The following GALNT18 variants were observed in gnomAD, a reference collection of about 807,000 sequenced individuals.
The protein encoded by GALNT18 is polypeptide N-acetylgalactosaminyltransferase 18, also known as GalNAc-transferase 18.
GALNT18 carries 44 observed loss-of-function variants against 69.5 expected under a neutral mutation model. The ratio of observed to expected loss-of-function variants is 0.63; its 90% CI spans 0.50 to 0.81. The LOEUF is 0.81. GALNT18 is among the 40% of genes least tolerant of loss of function. GALNT18 has a pLI of 0.00. For synonymous variants in GALNT18, 364 were observed against 318.2 expected (o/e 1.14, Z -1.53); for missense variants, 715 against 810.0 (o/e 0.88, Z 1.42).
At chr11:11,292,927 T>C (rs546593721) in intron 10 of GALNT18, 102 bp downstream of exon 10, 17 of 1,109,122 alleles carry the variant, frequency 1.5e-5, no homozygotes, top group East Asian at 5.8e-5. Flanking sequence ...AGTCTGTCTC[T>C]CCTTCCCCTT....
chr11:11,451,806 G>C (rs1422368162), intron 1 of GALNT18, among the ~76,000 whole-genome samples: 2 of 152,206 alleles, frequency 1.3e-5, no homozygotes, highest in Non-Finnish European at 2.9e-5. Context: ...AACCAAAAGT[G>C]AAAAGGTTAA....
At chr11:11,566,380 C>A (rs1858653287) in intron 1 of GALNT18, among the ~76,000 whole-genome samples, 1 of 152,152 alleles carries the variant, frequency 6.6e-6, no homozygotes, top group Admixed American at 6.5e-5. Flanking sequence ...GTAGCCAAGC[C>A]TCACTATGAA....
intron 1 of GALNT18, among the ~76,000 whole-genome samples, chr11:11,560,250 GA>G (rs1858474067): frequency 6.6e-6 from 1 of 152,150 alleles, no homozygotes; most frequent in African/African-American, 2.4e-5. Flanking sequence ...AATGAGATAT[GA>G]TGGGATGGGA....
rs1480614064 is a variant in GALNT18, at chr11:11,463,223, C to G, written c.236-14287G>C. Among the ~76,000 whole-genome samples, 1 of 151,006 alleles carries G rather than the reference C, an allele frequency of 6.6e-6. No homozygotes were observed. Among genetic ancestry groups the G allele is most frequent in the African/African-American group, 2.4e-5 (1 of 40,998 alleles). ...ACAGACAGACAGACACACACACACA[C>G]ACAGAGAGAGAGAGAGAGAGTTCCA... On this transcript the variant is annotated intron_variant, in intron 1 of 10. Coordinates refer to ENST00000227756, the MANE Select transcript of GALNT18 (RefSeq NM_198516.3). This position sits in a 1 kb window ranked among gnomAD's most constrained non-coding sequence, Gnocchi z 4.2.
intron 1 of GALNT18, among the ~76,000 whole-genome samples, chr11:11,456,308 G>C (rs1564958686): frequency 6.6e-6 from 1 of 152,190 alleles, no homozygotes; most frequent in Non-Finnish European, 1.5e-5. Context: ...TGAGCTCACA[G>C]TCCTGACTGC....
chr11:11,524,612 G>A (rs1857476836), intron 1 of GALNT18, among the ~76,000 whole-genome samples: 2 of 152,218 alleles, frequency 1.3e-5, no homozygotes, highest in Admixed American at 1.3e-4. Context: ...AGAATGGGAA[G>A]ACACGTGGAA....
At chr11:11,373,034 T>C (rs1258525105) in intron 5 of GALNT18, among the ~76,000 whole-genome samples, 1 of 152,160 alleles carries the variant, frequency 6.6e-6, no homozygotes, top group African/African-American at 2.4e-5. Flanking sequence ...CTGTATGTCA[T>C]CCTTGGTCTA....
chr11:11,519,942 C>T (rs1013257990), intron 1 of GALNT18, among the ~76,000 whole-genome samples: 5 of 152,172 alleles, frequency 3.3e-5, no homozygotes, highest in African/African-American at 1.2e-4. Context: ...GTTTTTATGT[C>T]CAAGGAGCGA....
chr11:11,514,948 G>A (rs551054318), intron 1 of GALNT18, among the ~76,000 whole-genome samples: 1 of 152,326 alleles, frequency 6.6e-6, no homozygotes, highest in African/African-American at 2.4e-5. Flanking sequence ...TTTAGCCATG[G>A]GAAAAGACAG....
rs563120015 is a variant in GALNT18 at position 11,605,607 on chromosome 11, G to C, written c.235+15752C>G. On this transcript the variant is annotated intron_variant, in intron 1 of 10. Coordinates refer to ENST00000227756, the MANE Select transcript of GALNT18 (RefSeq NM_198516.3). The surrounding 1 kb of genome is among the most constrained non-coding windows in gnomAD (Gnocchi z 4.7). ...GCACTCTGTTTCCTTTCTTGAAAAT[G>C]AAGCTATGCTTTCTCCTTTCTAGTG... Among the ~76,000 whole-genome samples, 1 of 152,180 alleles carries C rather than the reference G, an allele frequency of 6.6e-6. No homozygotes were observed. Among genetic ancestry groups the C allele is most frequent in the Non-Finnish European group, 1.5e-5 (1 of 68,034 alleles).
At position 11,497,576 on chromosome 11, in the gene GALNT18, T is replaced by C. The variant is rs533031088; in HGVS notation, c.236-48640A>G. Reference sequence around the variant, plus strand: ...TCGTATGAATGAAATGAGATTATTATCTATAAAGAATTTTGTGGAGGCATG... The same window carrying C: ...TCGTATGAATGAAATGAGATTATTACCTATAAAGAATTTTGTGGAGGCATG... On this transcript the variant is annotated intron_variant, in intron 1 of 10. Transcript: ENST00000227756. The surrounding 1 kb of genome is among the most constrained non-coding windows in gnomAD (Gnocchi z 4.2). Among the ~76,000 whole-genome samples the C allele has an allele frequency of 8.5e-5, 13 of 152,222 alleles. No homozygotes were observed. Among genetic ancestry groups the C allele is most frequent in the Admixed American group, 2.6e-4 (4 of 15,280 alleles).
chr11:11,288,342 C>G (rs1328207515), intron 10 of GALNT18, among the ~76,000 whole-genome samples: 1 of 152,138 alleles, frequency 6.6e-6, no homozygotes, highest in African/African-American at 2.4e-5. Flanking sequence ...AAGTGAGCCT[C>G]TACTTGGGAT....
chr11:11,394,947 C>T (rs572215400), intron 3 of GALNT18, among the ~76,000 whole-genome samples: 1 of 152,256 alleles, frequency 6.6e-6, no homozygotes, highest in East Asian at 1.9e-4. Flanking sequence ...CTGGCCCAGC[C>T]AGGGAGCAGG....
At chr11:11,521,766 G>A (rs529487028) in intron 1 of GALNT18, among the ~76,000 whole-genome samples, 1 of 152,218 alleles carries the variant, frequency 6.6e-6, no homozygotes, top group Admixed American at 6.5e-5. Flanking sequence ...GGTGACTCAG[G>A]CGAGCCCACT....
chr11:11,441,511 T>C (rs1358322100), intron 2 of GALNT18, among the ~76,000 whole-genome samples: 1 of 152,114 alleles, frequency 6.6e-6, no homozygotes, highest in Non-Finnish European at 1.5e-5. Context: ...CCAGTAAAAA[T>C]ACCGGCTCGG....
chr11:11,569,486 T>TTCC (rs1858732757), intron 1 of GALNT18, among the ~76,000 whole-genome samples: 1 of 151,714 alleles, frequency 6.6e-6, no homozygotes, highest in East Asian at 1.9e-4. Context: ...CTGGGAATTC[T>TTCC]AAGAAATTCT....
intron 1 of GALNT18, among the ~76,000 whole-genome samples, chr11:11,514,457 G>T (rs932904183): frequency 6.6e-6 from 1 of 152,150 alleles, no homozygotes; most frequent in Non-Finnish European, 1.5e-5. Context: ...GTGGCCAAGG[G>T]TCACCAATCC....
chr11:11,303,341 T>C (rs1590022715), intron 9 of GALNT18, among the ~76,000 whole-genome samples: 2 of 152,222 alleles, frequency 1.3e-5, no homozygotes, highest in East Asian at 3.9e-4. Flanking sequence ...ACTGCTAACC[T>C]GTGCATTCAC....
At chr11:11,388,708 G>A (rs1006911775) in intron 3 of GALNT18, among the ~76,000 whole-genome samples, 16 of 152,208 alleles carry the variant, frequency 1.1e-4, no homozygotes, top group African/African-American at 1.9e-4. Context: ...CTGGTCTAAC[G>A]CTCTGTGACC....
Sources: gnomAD v4.1 joint callset for allele counts (sites outside exome capture counted in the v4.1 genomes callset) on GRCh38, gnomAD v4.1.1 for gene constraint, Gnocchi (gnomAD v3.1) non-coding constraint, MANE v1.5 for transcripts, NCBI Gene and HGNC (gene_info 2026-07-23, HGNC 2026-07-21) for gene names.